Variants in INPP4B observed in about 807,000 individuals in gnomAD.
INPP4B encodes inositol polyphosphate-4-phosphatase type II B, also known as inositol polyphosphate 4-phosphatase type II.
A neutral mutation model predicts 122.5 loss-of-function variants in INPP4B; 55 were observed. That is an observed-to-expected ratio of 0.45 (90% CI 0.36 to 0.56). The LOEUF is 0.56. INPP4B is among the 20% of genes least tolerant of loss of function. The pLI is 0.00. For missense variants in INPP4B, 1,000 were observed against 1,097.7 expected (o/e 0.91, Z 1.26); for synonymous variants, 403 against 388.7 (o/e 1.04, Z -0.43).
At position 142,806,763 on chromosome 4, in the gene INPP4B, AG is replaced by A. The variant is rs1332827411; in HGVS notation, c.-254+39445del. 3.1e-4 allele frequency among the ~76,000 whole-genome samples: 39 copies of A among 125,996 alleles called. 3 individuals are homozygous for A. Among genetic ancestry groups the A allele is most frequent in the South Asian group, 1.4e-3 (5 of 3,674 alleles). The allele number at this position is 125,996 out of a possible 152,430, so 82.7% of individuals were successfully genotyped here. Reference sequence around the variant, plus strand: ...TGTTAAAAAAAAAGAAGAAGAAGAAAGAAGAAAGAAAGAAAGAAAGAAGGAA... The same window carrying A: ...TGTTAAAAAAAAAGAAGAAGAAGAAAAAGAAAGAAAGAAAGAAAGAAGGAA... On this transcript the variant is annotated intron_variant, in intron 1 of 25. Transcript: ENST00000262992.
Position 142,208,427 on chromosome 4 carries a change from T to A in INPP4B, c.1070A>T (p.Lys357Ile). 1 of 1,523,876 alleles carries A rather than the reference T, an allele frequency of 6.6e-7. No homozygotes were observed. Among genetic ancestry groups the A allele is most frequent in the Non-Finnish European group, 9.0e-7 (1 of 1,112,994 alleles). The allele number at this position is 1,523,876 out of a possible 1,614,324, so 94.4% of individuals were successfully genotyped here. A position where few individuals can be genotyped will look rare whatever the true frequency, so the allele number is the denominator to read the frequency against. Residue 357 changes from lysine to isoleucine, a missense_variant and splice_region_variant, in exon 14 of 26, where the codon AAA becomes ATA. Coordinates refer to ENST00000262992, the MANE Select transcript of INPP4B (RefSeq NM_001101669.3). Reference sequence around the variant, plus strand: ...TTTAAAAGAATAATTTATGATACCTTTCAAGTGAGGGCTGTGTACCTGCAT... The same window carrying A: ...TTTAAAAGAATAATTTATGATACCTATCAAGTGAGGGCTGTGTACCTGCAT... ...QRMQVHSPHLKDALYDVITVG... is the reference protein window; with the variant it reads ...QRMQVHSPHLIDALYDVITVG...
chr4:142,312,368 A>G (rs1765838225), intron 8 of INPP4B, among the ~76,000 whole-genome samples: 1 of 152,190 alleles, frequency 6.6e-6, no homozygotes, highest in Admixed American at 6.5e-5. Context: ...TCTCTTAATC[A>G]TCCCCCAGGA....
intron 2 of INPP4B, among the ~76,000 whole-genome samples, chr4:142,561,640 C>T (rs1201589084): frequency 2.6e-5 from 4 of 151,984 alleles, no homozygotes; most frequent in Admixed American, 6.6e-5. Context: ...AGGCTGGTCT[C>T]GAACTCCTGA....
At chr4:142,524,475 A>G (rs1250801568) in intron 2 of INPP4B, among the ~76,000 whole-genome samples, 3 of 151,898 alleles carry the variant, frequency 2.0e-5, no homozygotes, top group African/African-American at 7.3e-5. Flanking sequence ...GTGTCTGTTC[A>G]TGTCCTTTGC....
At chr4:142,613,045 T>A (rs1229336375) in intron 2 of INPP4B, among the ~76,000 whole-genome samples, 1 of 152,160 alleles carries the variant, frequency 6.6e-6, no homozygotes. Context: ...TTCTTCCTGC[T>A]AATTAGAATG....
chr4:142,715,292 A>G (rs900830517), intron 2 of INPP4B, among the ~76,000 whole-genome samples: 5 of 152,234 alleles, frequency 3.3e-5, no homozygotes, highest in African/African-American at 1.2e-4. Flanking sequence ...TATGTTAGCC[A>G]GTAGTTGCAT....
chr4:142,375,035 C>A (rs1791331740), intron 7 of INPP4B, among the ~76,000 whole-genome samples: 1 of 151,994 alleles, frequency 6.6e-6, no homozygotes, highest in Admixed American at 6.6e-5. Context: ...CACTCCTTTT[C>A]TCTTCCTTCT....
At chr4:142,585,510 C>T (rs905561172) in intron 2 of INPP4B, among the ~76,000 whole-genome samples, 1 of 152,050 alleles carries the variant, frequency 6.6e-6, no homozygotes, top group African/African-American at 2.4e-5. Context: ...TGGGATCATC[C>T]AGGACAGCAA....
chr4:142,599,808 G>A (rs1416514297), intron 2 of INPP4B, among the ~76,000 whole-genome samples: 1 of 151,870 alleles, frequency 6.6e-6, no homozygotes, highest in Non-Finnish European at 1.5e-5. Context: ...TACTACGAGT[G>A]AGAAATTTAC....
Position 142,237,904 on chromosome 4 carries a change from T to G in INPP4B, c.796A>C (p.Lys266Gln), listed in dbSNP as rs1170384116. The G allele has an allele frequency of 6.3e-7, 1 of 1,579,916 alleles. No individual in the cohort carries two copies. The highest frequency in any genetic ancestry group is 1.3e-5 in the African/African-American group (1 of 74,470). The change falls in exon 12 of 26, where the codon AAG (lysine) becomes CAG (glutamine). Residue 266 changes from lysine to glutamine, a missense_variant. Physicochemically the swap from Lys to Gln is moderately conservative, Grantham distance 53. Coordinates refer to ENST00000262992, the MANE Select transcript of INPP4B (RefSeq NM_001101669.3). ...SESILSFHIP[K>Q]ELISLHIKED... ...TTAATGTGAAGGGAAATCAATTCCT[T>G]AGGAATATGAAAGGAAAGAATGCTC...
chr4:142,099,592 A>G (rs1783583129), intron 23 of INPP4B, among the ~76,000 whole-genome samples: 1 of 152,134 alleles, frequency 6.6e-6, no homozygotes, highest in South Asian at 2.1e-4. Flanking sequence ...ATCTTCTTAT[A>G]TCTTTAAACC....
At chr4:142,640,791 T>C (rs1750218559) in intron 2 of INPP4B, among the ~76,000 whole-genome samples, 1 of 151,280 alleles carries the variant, frequency 6.6e-6, no homozygotes, top group Admixed American at 6.6e-5. Flanking sequence ...AAAAAAAAGA[T>C]AGCCAAATTG....
In INPP4B at chr4:142,577,600, AG is replaced by A. The variant is rs1465710089; in HGVS notation, c.-190-114875del. Among the ~76,000 whole-genome samples, 4 of 152,004 alleles carry A rather than the reference AG, an allele frequency of 2.6e-5. No individual in the cohort carries two copies. The East Asian group carries it at 7.7e-4, about 29-fold the overall frequency. Reference sequence around the variant, plus strand: ...TATATGAAAGTCAGCAAAAAGTCCCAGCCTTATCATTTACCAGTTATAAAAA... The same window carrying A: ...TATATGAAAGTCAGCAAAAAGTCCCACCTTATCATTTACCAGTTATAAAAA... On this transcript the variant is annotated intron_variant, in intron 2 of 25. Transcript: ENST00000262992.
intron 2 of INPP4B, among the ~76,000 whole-genome samples, chr4:142,650,598 C>G (rs1190478633): frequency 6.7e-6 from 1 of 149,614 alleles, no homozygotes; most frequent in Non-Finnish European, 1.5e-5. Flanking sequence ...AGACTTGAAA[C>G]CAACAAAGAT....
At chr4:142,359,593 A>G (rs184392365) in intron 7 of INPP4B, among the ~76,000 whole-genome samples, 298 of 152,122 alleles carry the variant, frequency 2.0e-3, no homozygotes, top group African/African-American at 6.4e-3. Context: ...ACAAAGCAGT[A>G]AAATGCCAAA....
At chr4:142,842,721 ATATAT>A (rs902891955) in intron 1 of INPP4B, among the ~76,000 whole-genome samples, 104 of 132,048 alleles carry the variant, frequency 7.9e-4, no homozygotes, top group African/African-American at 2.7e-3. Flanking sequence ...TAATATATTA[ATATAT>A]TATAATATTA....
At chr4:142,633,957 T>A (rs2150437843) in intron 2 of INPP4B, among the ~76,000 whole-genome samples, 1 of 151,550 alleles carries the variant, frequency 6.6e-6, no homozygotes, top group Non-Finnish European at 1.5e-5. Flanking sequence ...GCCCAGGAGG[T>A]TGAGGCTCTG....
intron 3 of INPP4B, among the ~76,000 whole-genome samples, chr4:142,443,838 A>C (rs1812344165): frequency 1.3e-5 from 2 of 152,158 alleles, no homozygotes; most frequent in Admixed American, 6.5e-5. Flanking sequence ...GAAGAGAAGA[A>C]GATAAAGGAG....
chr4:142,741,305 T>C (rs2150918948), intron 1 of INPP4B, among the ~76,000 whole-genome samples: 1 of 151,984 alleles, frequency 6.6e-6, no homozygotes, highest in Middle Eastern at 3.4e-3. Flanking sequence ...AGTAGACACA[T>C]CACATGGCAA....
Sources: allele counts gnomAD v4.1 joint callset (sites outside exome capture counted in the v4.1 genomes callset), GRCh38; gene constraint gnomAD v4.1.1; transcripts MANE v1.5; gene names NCBI Gene and HGNC (gene_info 2026-07-23, HGNC 2026-07-21).